ZFHX4: variants seen among roughly 807,000 people sequenced by gnomAD.
ZFHX4 encodes zinc finger homeobox 4, also known as zinc finger homeobox protein 4.
In ZFHX4, 56 loss-of-function variants were observed where a neutral mutation model predicts 267.6. That is an observed-to-expected ratio of 0.21 (90% CI 0.17 to 0.26). The LOEUF is 0.26. Among genes scored for constraint, ZFHX4 ranks in the 10% least tolerant of loss-of-function variants. ZFHX4 has a pLI of 1.00. For missense variants in ZFHX4, 4,332 were observed against 4,420.0 expected (o/e 0.98, Z 0.56); for synonymous variants, 1,778 against 1,665.6 (o/e 1.07, Z -1.64).
chr8:76,787,115 C>CA (rs1810711973), intron 4 of ZFHX4, among the ~76,000 whole-genome samples: 2 of 152,026 alleles, frequency 1.3e-5, no homozygotes, highest in Non-Finnish European at 2.9e-5. Flanking sequence ...AACAAAACAA[C>CA]AAACAATTTT....
chr8:76,846,360 T>G (rs1812364002), intron 6 of ZFHX4, among the ~76,000 whole-genome samples: 1 of 152,100 alleles, frequency 6.6e-6, no homozygotes, highest in South Asian at 2.1e-4. Context: ...GTTCTAGCTT[T>G]TATTTATAAC....
At chr8:76,758,918 G>T (rs923002529) in intron 3 of ZFHX4, among the ~76,000 whole-genome samples, 1 of 152,070 alleles carries the variant, frequency 6.6e-6, no homozygotes, top group Non-Finnish European at 1.5e-5. Context: ...AGGCATTCAG[G>T]CTTATATGTG....
chr8:76,744,317 G>C (rs1809399596), intron 3 of ZFHX4, among the ~76,000 whole-genome samples: 1 of 152,114 alleles, frequency 6.6e-6, no homozygotes, highest in Non-Finnish European at 1.5e-5. Flanking sequence ...CTGCACTTTA[G>C]CCTGGGCGAC....
chr8:76,730,597 G>T (rs753669789), intron 3 of ZFHX4, among the ~76,000 whole-genome samples: 2 of 152,074 alleles, frequency 1.3e-5, no homozygotes, highest in African/African-American at 2.4e-5. Context: ...TACTCGGGAG[G>T]CTGAGGCATG....
chr8:76,767,617 AT>A (rs1402380104), intron 3 of ZFHX4, among the ~76,000 whole-genome samples: 1 of 152,248 alleles, frequency 6.6e-6, no homozygotes, highest in Non-Finnish European at 1.5e-5. Flanking sequence ...CTGATAAAAA[AT>A]ATATGACAGG....
chr8:76,834,364 A>G, intron 5 of ZFHX4: 1 of 241,986 alleles, frequency 4.1e-6, no homozygotes. Flanking sequence ...GATGAATGAG[A>G]GTTCCTGTTG....
chr8:76,842,527 C>T (rs934162680), intron 5 of ZFHX4, 128 bp from the exon 6 acceptor site: 6 of 628,570 alleles, frequency 9.5e-6, no homozygotes, highest in African/African-American at 9.3e-5. Flanking sequence ...AATTTGTGTT[C>T]TCATTTGAGT....
chr8:76,856,398 T>C (rs935335573), intron 10 of ZFHX4, 98 bp downstream of exon 10: 160 of 1,346,084 alleles, frequency 1.2e-4, no homozygotes, highest in Non-Finnish European at 1.6e-4. Flanking sequence ...TTTCTTTTAA[T>C]TTCAGCTAGT....
intron 5 of ZFHX4, among the ~76,000 whole-genome samples, chr8:76,840,567 T>C (rs531064496): frequency 6.6e-6 from 1 of 152,298 alleles, no homozygotes; most frequent in South Asian, 2.1e-4. Flanking sequence ...TTCATAATTT[T>C]CTTTTTCTTC....
At chr8:76,734,796 T>C (rs1206555731) in intron 3 of ZFHX4, among the ~76,000 whole-genome samples, 1 of 152,164 alleles carries the variant, frequency 6.6e-6, no homozygotes, top group African/African-American at 2.4e-5. Flanking sequence ...TCACACTGTG[T>C]AGTCTTTGAA....
chr8:76,855,928 G>A lies in ZFHX4; in HGVS notation c.9007G>A (p.Glu3003Lys). The A allele has an allele frequency of 6.2e-7, 1 of 1,613,910 alleles. No individual in the cohort carries two copies. The highest frequency in any genetic ancestry group is 1.7e-5 in the Admixed American group (1 of 60,026). The change falls in exon 10 of 11, where the codon GAA becomes AAA. Residue 3003 changes from glutamate (E) to lysine (K), a missense_variant. Transcript: ENST00000651372. ...KPFMINQGGT[E>K]GTKPECTLCG... The stretch of plus-strand genomic sequence containing the variant: ...TTTCATGATCAATCAAGGCGGAACG[G>A]AAGGCACCAAACCAGAGTGTACCCT...
At chr8:76,784,654 A>G (rs1810641382) in intron 4 of ZFHX4, among the ~76,000 whole-genome samples, 1 of 152,102 alleles carries the variant, frequency 6.6e-6, no homozygotes. Flanking sequence ...CTTTAGACTT[A>G]AAGTCTATGA....
chr8:76,708,444 T>C (rs1808339048), intron 3 of ZFHX4, among the ~76,000 whole-genome samples: 1 of 152,080 alleles, frequency 6.6e-6, no homozygotes, highest in South Asian at 2.1e-4. Flanking sequence ...TGCCTAACCT[T>C]GTGAATGCAT....
Position 76,855,846 on chromosome 8 carries a change from G to A in ZFHX4, c.8925G>A (p.Val2975=). ...EIGLPKRVVQ[V]WFQNARAKEK... is the part of the protein sequence containing the mutation. ...GTCTGCCCAAACGCGTAGTCCAGGT[G>A]TGGTTCCAAAATGCAAGGGCAAAGG... Residue 2975 remains valine, a synonymous_variant, in exon 10 of 11, where the codon GTG becomes GTA. Transcript: ENST00000651372. 1.2e-6 allele frequency: 2 copies of A among 1,613,938 alleles called. No homozygotes were observed. The highest frequency in any genetic ancestry group is 1.7e-6 in the Non-Finnish European group (2 of 1,179,876).
At chr8:76,706,766 C>T in intron 2 of ZFHX4, 88 bp downstream of exon 2, 2 of 1,366,124 alleles carry the variant, frequency 1.5e-6, no homozygotes. Context: ...TGGTGAGTGC[C>T]AACAAATTGA....
rs752673885 is a variant in ZFHX4 at position 76,729,253 on chromosome 8, A to T, written c.3093+21205A>T. The stretch of plus-strand genomic sequence containing the variant: ...CCAGCATCAAGTTGACAAGAGGAGA[A>T]ATATCGTGTGTGCCTTCTGCTTTGA... On this transcript the variant is annotated intron_variant, in intron 3 of 10. Coordinates refer to ENST00000651372, the MANE Select transcript of ZFHX4 (RefSeq NM_024721.5). Among the ~76,000 whole-genome samples the T allele has an allele frequency of 7.2e-5, 11 of 152,296 alleles. No individual in the cohort carries two copies. The South Asian group carries it at 1.0e-3, about 14-fold the overall frequency.
At chr8:76,838,675 G>A (rs1418714141) in intron 5 of ZFHX4, among the ~76,000 whole-genome samples, 1 of 152,106 alleles carries the variant, frequency 6.6e-6, no homozygotes, top group Admixed American at 6.5e-5. Flanking sequence ...CTCTTTATAT[G>A]ATCACTTCAT....
At chr8:76,723,978 A>C (rs1029982430) in intron 3 of ZFHX4, among the ~76,000 whole-genome samples, 6 of 92,378 alleles carry the variant, frequency 6.5e-5, no homozygotes, top group Non-Finnish European at 1.0e-4. Context: ...CAAAACAAAA[A>C]CCCCAAAAAA....
intron 5 of ZFHX4, among the ~76,000 whole-genome samples, chr8:76,840,246 T>C (rs1812200238): frequency 6.6e-6 from 1 of 152,122 alleles, no homozygotes; most frequent in African/African-American, 2.4e-5. Flanking sequence ...AATCCACCTC[T>C]AAAGGTTATG....
Sources: gnomAD v4.1 joint callset for allele counts (sites outside exome capture counted in the v4.1 genomes callset) on GRCh38, gnomAD v4.1.1 for gene constraint, MANE v1.5 for transcripts, NCBI Gene and HGNC (gene_info 2026-07-23, HGNC 2026-07-21) for gene names.